FAM186A: variants seen among roughly 807,000 people sequenced by gnomAD.
FAM186A encodes the protein protein FAM186A.
Under a neutral mutation model 216.8 loss-of-function variants are expected in FAM186A, and 163 were observed. The ratio of observed to expected loss-of-function variants is 0.75; its 90% CI spans 0.66 to 0.86. The LOEUF (loss-of-function observed/expected upper bound fraction) is 0.86, where lower values mean the gene tolerates loss of function less well. Among genes scored for constraint, FAM186A ranks in the 40% least tolerant of loss-of-function variants. FAM186A has a pLI of 0.00. For synonymous variants in FAM186A, 805 were observed against 1,025.3 expected (o/e 0.79, Z 4.10); for missense variants, 2,184 against 2,746.2 (o/e 0.80, Z 4.58).
Position 50,351,241 on chromosome 12 carries a change from G to C in FAM186A, c.5591C>G (p.Pro1864Arg), listed in dbSNP as rs1225673397. 4 of 1,551,546 alleles carry C rather than the reference G, an allele frequency of 2.6e-6. No homozygotes were observed. The highest frequency in any genetic ancestry group is 3.5e-6 in the Non-Finnish European group (4 of 1,146,924). The part of the protein sequence containing the change: ...APLSPGQPLV[P>R]EASSIPGDLL... ...GTCCCCAGGGATGGAAGAGGCTTCA[G>C]GAACTAAGGGCTGCCCAGGAGAAAG... The change falls in exon 4 of 8, where the codon CCT (proline) becomes CGT (arginine). Residue 1864 changes from proline to arginine, a missense_variant. Pro to Arg is a moderately radical substitution (Grantham distance 103). Around this residue, in one of 7 missense-constraint regions of FAM186A, gnomAD observed 721 missense variants for 816.4 expected, o/e 0.88. Coordinates refer to ENST00000327337, the MANE Select transcript of FAM186A (RefSeq NM_001145475.3).
At chr12:50,363,992 T>G (rs1253604283) in intron 1 of FAM186A, among the ~76,000 whole-genome samples, 3 of 152,144 alleles carry the variant, frequency 2.0e-5, no homozygotes, top group African/African-American at 7.2e-5. Flanking sequence ...TCCTAGAAAT[T>G]TTTTACGGAT....
Position 50,355,319 on chromosome 12 carries a change from C to A in FAM186A, c.1513G>T (p.Glu505Ter), listed in dbSNP as rs754716924. The change falls in exon 4 of 8, where the codon GAA (glutamate) becomes TAA (stop). Residue 505 changes from glutamate to a stop codon, truncating the protein, a stop_gained. Transcript: ENST00000327337. LOFTEE classifies it high-confidence loss of function. Reference sequence around the variant, plus strand: ...TTATCTTCAGAAAAGGATTTCATTTCTTTTCTTTTCTTTTTCAGTACTTGT... The same window carrying A: ...TTATCTTCAGAAAAGGATTTCATTTATTTTCTTTTCTTTTTCAGTACTTGT... ...ELQVLKKKRK[E>*]MKSFSEDKSK... The A allele has an allele frequency of 3.2e-6, 5 of 1,549,646 alleles. No homozygotes were observed. The highest frequency in any genetic ancestry group is 2.4e-5 in the East Asian group (1 of 40,922).
At chr12:50,360,165 A>C (rs1331052687) in intron 3 of FAM186A, among the ~76,000 whole-genome samples, 9 of 150,684 alleles carry the variant, frequency 6.0e-5, no homozygotes, top group Non-Finnish European at 2.9e-5. Context: ...AATCGCTTGA[A>C]CCCAAGAGGT....
intron 1 of FAM186A, among the ~76,000 whole-genome samples, chr12:50,385,229 C>T (rs1943290977): frequency 6.7e-6 from 1 of 149,148 alleles, no homozygotes; most frequent in Non-Finnish European, 1.5e-5. Context: ...ACCAGCCTGG[C>T]CAACATAGTG....
At chr12:50,347,749 A>T (rs1412941502) in intron 4 of FAM186A, among the ~76,000 whole-genome samples, 1 of 152,072 alleles carries the variant, frequency 6.6e-6, no homozygotes, top group Non-Finnish European at 1.5e-5. Context: ...TGGCAGGAAA[A>T]TTGTTACCTG....
At chr12:50,381,794 T>C (rs1368218217) in intron 1 of FAM186A, among the ~76,000 whole-genome samples, 1 of 152,078 alleles carries the variant, frequency 6.6e-6, no homozygotes, top group Non-Finnish European at 1.5e-5. Flanking sequence ...ACCCTGTCTC[T>C]ATAAAAAATT....
chr12:50,374,319 G>T (rs534715983), intron 1 of FAM186A, among the ~76,000 whole-genome samples: 1 of 148,202 alleles, frequency 6.7e-6, no homozygotes, highest in African/African-American at 2.5e-5. Context: ...AAGAAAGAAA[G>T]AAAGAAAGTT....
chr12:50,359,912 A>G (rs1042368662), intron 3 of FAM186A, among the ~76,000 whole-genome samples: 4 of 152,190 alleles, frequency 2.6e-5, no homozygotes, highest in Non-Finnish European at 4.4e-5. Context: ...ATAAATTAGT[A>G]TGAGGGATCT....
chr12:50,369,981 G>C (rs373885524), intron 1 of FAM186A, among the ~76,000 whole-genome samples: 2 of 151,444 alleles, frequency 1.3e-5, no homozygotes, highest in African/African-American at 4.9e-5. Context: ...AAAATTAGCC[G>C]GGCGTGGTGG....
In FAM186A at chr12:50,367,708, CACACAA is replaced by C. The variant is rs1422222219; in HGVS notation, c.193-4350_193-4345del. Among the ~76,000 whole-genome samples the C allele has an allele frequency of 2.8e-3, 341 of 119,666 alleles. 1 individual carries two copies. Among genetic ancestry groups the C allele is most frequent in the African/African-American group, 0.01 (324 of 32,244 alleles). 78.5% of individuals were successfully genotyped at this position (119,666 alleles called of 152,430 possible). On this transcript the variant is annotated intron_variant, in intron 1 of 7. Coordinates refer to ENST00000327337, the MANE Select transcript of FAM186A (RefSeq NM_001145475.3). ...GTGCGTGCACACACACACACACACACACACAAACACACTATTAGAACAATAAATTCA... is the reference window on the plus strand; with the variant it reads ...GTGCGTGCACACACACACACACACACACACACTATTAGAACAATAAATTCA...
chr12:50,389,022 T>A (rs1273686842), intron 1 of FAM186A, among the ~76,000 whole-genome samples: 2 of 150,442 alleles, frequency 1.3e-5, no homozygotes, highest in Non-Finnish European at 3.0e-5. Context: ...GCCACTACAC[T>A]CCAGCCTGGG....
chr12:50,346,909 C>T (rs1333461289), intron 4 of FAM186A, among the ~76,000 whole-genome samples: 1 of 150,002 alleles, frequency 6.7e-6, no homozygotes, highest in Non-Finnish European at 1.5e-5. Context: ...CATATGTGGT[C>T]ACACATGCAC....
At chr12:50,366,948 AG>A (rs1943095299) in intron 1 of FAM186A, among the ~76,000 whole-genome samples, 1 of 152,138 alleles carries the variant, frequency 6.6e-6, no homozygotes, top group African/African-American at 2.4e-5. Flanking sequence ...TGGGAGGTCA[AG>A]GCTGCAGTAA....
chr12:50,374,225 G>A (rs1411678797), intron 1 of FAM186A, among the ~76,000 whole-genome samples: 7 of 151,114 alleles, frequency 4.6e-5, no homozygotes, highest in Non-Finnish European at 8.8e-5. Context: ...TGGGTGCAGC[G>A]CACCAGCATG....
At chr12:50,387,512 C>G (rs1264018569) in intron 1 of FAM186A, among the ~76,000 whole-genome samples, 1 of 152,002 alleles carries the variant, frequency 6.6e-6, no homozygotes, top group Non-Finnish European at 1.5e-5. Context: ...GGAGATCTTC[C>G]CAGAGGAAAA....
In FAM186A at chr12:50,354,327, A is replaced by T; in HGVS notation, c.2505T>A (p.Ser835=). 6.4e-7 allele frequency: 1 copy of T among 1,551,638 alleles called. No individual in the cohort carries two copies. The highest frequency in any genetic ancestry group is 8.7e-7 in the Non-Finnish European group (1 of 1,146,994). Reference sequence around the variant, plus strand: ...GCAACTGCTGTTTGAGACTCATGCCAGACATTTGTTCTTGACCCTCTTGCA... The same window carrying T: ...GCAACTGCTGTTTGAGACTCATGCCTGACATTTGTTCTTGACCCTCTTGCA... ...QYLQEGQEQM[S]GMSLKQQLLG... is the part of the protein sequence containing the mutation. Residue 835 remains serine, a synonymous_variant, in exon 4 of 8, where the codon TCT becomes TCA. Coordinates refer to ENST00000327337, the MANE Select transcript of FAM186A (RefSeq NM_001145475.3).
At chr12:50,375,420 A>G (rs1943187714) in intron 1 of FAM186A, among the ~76,000 whole-genome samples, 3 of 151,638 alleles carry the variant, frequency 2.0e-5, no homozygotes, top group Non-Finnish European at 4.4e-5. Context: ...ATGTTGGCAC[A>G]CACCTATAAT....
chr12:50,353,847 A>G lies in FAM186A; in HGVS notation c.2985T>C (p.Pro995=). Residue 995 remains proline (P), a synonymous_variant, in exon 4 of 8, where the codon CCT becomes CCC. Coordinates refer to ENST00000327337, the MANE Select transcript of FAM186A (RefSeq NM_001145475.3). ...GGATGACCATTTTTTCTAGCTCTTT[A>G]GGTTGTGTTTCCTTCATCTGCATCT... The part of the protein sequence containing the change: ...KDQMQMKETQ[P]KELEKMVIQT... 7 of 1,551,486 alleles carry G rather than the reference A, an allele frequency of 4.5e-6. No individual in the cohort carries two copies. Among genetic ancestry groups the G allele is most frequent in the Non-Finnish European group, 5.2e-6 (6 of 1,146,920 alleles).
intron 1 of FAM186A, among the ~76,000 whole-genome samples, chr12:50,389,293 G>A (rs1168182884): frequency 3.3e-5 from 5 of 151,958 alleles, no homozygotes; most frequent in African/African-American, 4.8e-5. Context: ...CTGAGTTCGG[G>A]AATTTGAGAC....
Sources: allele counts gnomAD v4.1 joint callset (sites outside exome capture counted in the v4.1 genomes callset), GRCh38; gene constraint gnomAD v4.1.1; regional missense constraint gnomAD v4.1.1; transcripts MANE v1.5; gene names NCBI Gene and HGNC (gene_info 2026-07-23, HGNC 2026-07-21).